The following HOMER2 variants were observed in gnomAD, a reference collection of about 807,000 sequenced individuals.
HOMER2 encodes homer protein homolog 2.
Under a neutral mutation model 47.0 loss-of-function variants are expected in HOMER2, and 27 were observed. The observed-to-expected ratio is 0.57, with a 90% confidence interval of 0.42 to 0.79. The LOEUF (loss-of-function observed/expected upper bound fraction) is 0.79. HOMER2 is among the 30% of genes least tolerant of loss of function. The pLI is 0.00. For missense variants in HOMER2, 443 were observed against 435.0 expected, an observed-to-expected ratio of 1.02 and a Z score of -0.16; for synonymous variants, 161 against 163.8, an observed-to-expected ratio of 0.98 and a Z score of 0.13.
chr15:82,934,945 G>A (rs2054109180), intron 1 of HOMER2, among the ~76,000 whole-genome samples: 1 of 152,136 alleles, frequency 6.6e-6, no homozygotes, highest in Non-Finnish European at 1.5e-5. Context: ...TACTTCAGAT[G>A]GAAAAGAAGA....
At chr15:82,890,577 T>C (rs1471540220) in intron 2 of HOMER2, among the ~76,000 whole-genome samples, 4 of 152,162 alleles carry the variant, frequency 2.6e-5, no homozygotes, top group Non-Finnish European at 5.9e-5. Flanking sequence ...ATAACTGTCA[T>C]ATTTGGCTTG....
At chr15:82,891,400 C>CTT (rs1388900098) in intron 2 of HOMER2, among the ~76,000 whole-genome samples, 4 of 152,164 alleles carry the variant, frequency 2.6e-5, no homozygotes, top group African/African-American at 9.7e-5. Flanking sequence ...GTCAAGCCAC[C>CTT]TTTATCTGCA....
chr15:82,889,409 CA>C (rs1231308622), intron 2 of HOMER2, among the ~76,000 whole-genome samples: 1 of 152,168 alleles, frequency 6.6e-6, no homozygotes, highest in Non-Finnish European at 1.5e-5. Flanking sequence ...AACATGGAAC[CA>C]GAATAGATGC....
intron 4 of HOMER2, among the ~76,000 whole-genome samples, chr15:82,860,998 G>C (rs1020307860): frequency 3.7e-5 from 2 of 54,282 alleles, no homozygotes; most frequent in African/African-American, 1.4e-4. Flanking sequence ...AAAGAGAAAG[G>C]AAAGAAAGAA....
intron 1 of HOMER2, among the ~76,000 whole-genome samples, chr15:82,964,847 A>C (rs1272169871): frequency 6.6e-6 from 1 of 152,218 alleles, no homozygotes; most frequent in Non-Finnish European, 1.5e-5. Flanking sequence ...TACAGAAAGC[A>C]GTGTTTCCAT....
exon 2 of HOMER2, chr15:82,843,490 A>G (rs2051199389): frequency 6.8e-6 from 1 of 146,312 alleles, no homozygotes; most frequent in East Asian, 2.0e-4. Context: ...AAAGACCTGC[A>G]TAAGCATGAC....
At chr15:82,876,980 G>A (rs558597501) in intron 2 of HOMER2, among the ~76,000 whole-genome samples, 7 of 152,286 alleles carry the variant, frequency 4.6e-5, no homozygotes, top group Admixed American at 6.5e-5. Context: ...ATAAGCCACT[G>A]GCTCAAGAGA....
At chr15:82,865,866 G>A (rs2051947754) in intron 3 of HOMER2, among the ~76,000 whole-genome samples, 1 of 152,220 alleles carries the variant, frequency 6.6e-6, no homozygotes, top group African/African-American at 2.4e-5. Flanking sequence ...CTAGATTTCA[G>A]AGGATGTATG....
chr15:82,860,956 TGAGA>T (rs56063630), intron 4 of HOMER2, among the ~76,000 whole-genome samples: 14 of 42,416 alleles, frequency 3.3e-4, no homozygotes, highest in African/African-American at 7.4e-4. Context: ...AGATAGAAGA[TGAGA>T]GAGAGAGAGA....
At chr15:82,943,015 G>A (rs2054298239) in intron 1 of HOMER2, among the ~76,000 whole-genome samples, 1 of 152,146 alleles carries the variant, frequency 6.6e-6, no homozygotes, top group South Asian at 2.1e-4. Flanking sequence ...TAAGGATGAG[G>A]GAATGGAAGC....
Position 82,937,464 on chromosome 15 carries a change from C to T in HOMER2, c.5+15067G>A, listed in dbSNP as rs1461039404. On this transcript the variant is annotated intron_variant, in intron 1 of 8. Transcript: ENST00000450735. ...CGTTAAGTCAGAGAGTTGGGAGGGA[C>T]ACAGATAAGCTGCCCTCACACTGCC... 2.0e-5 allele frequency among the ~76,000 whole-genome samples: 3 copies of T among 152,238 alleles called. No individual in the cohort carries two copies. The East Asian group carries it at 5.8e-4, about 29-fold the overall frequency.
intron 1 of HOMER2, among the ~76,000 whole-genome samples, chr15:82,963,669 T>C (rs2054649845): frequency 6.6e-6 from 1 of 152,182 alleles, no homozygotes; most frequent in Non-Finnish European, 1.5e-5. Context: ...AAGGCAAATT[T>C]GGGAAAGAAT....
At chr15:82,876,089 G>C (rs2052341213) in intron 2 of HOMER2, among the ~76,000 whole-genome samples, 1 of 152,176 alleles carries the variant, frequency 6.6e-6, no homozygotes, top group Admixed American at 6.5e-5. Flanking sequence ...GCTACCTGTT[G>C]GGGGACACAG....
chr15:82,940,677 G>A (rs1479545594), intron 1 of HOMER2, among the ~76,000 whole-genome samples: 1 of 152,134 alleles, frequency 6.6e-6, no homozygotes, highest in East Asian at 1.9e-4. Context: ...GAGAGGTGGA[G>A]CTTGCAGTGA....
chr15:82,920,734 TATC>T (rs1596355514), intron 1 of HOMER2, among the ~76,000 whole-genome samples: 1 of 152,196 alleles, frequency 6.6e-6, no homozygotes, highest in Admixed American at 6.5e-5. Context: ...GTCCTTAACT[TATC>T]ATATCTGCAA....
chr15:82,892,050 A>C (rs1307528634), intron 2 of HOMER2, among the ~76,000 whole-genome samples: 1 of 151,972 alleles, frequency 6.6e-6, no homozygotes, highest in African/African-American at 2.4e-5. Flanking sequence ...TTCCCATGAT[A>C]ATGTGGCAAA....
chr15:82,843,788 T>A (rs961672001), exon 2 of HOMER2: 4 of 152,106 alleles, frequency 2.6e-5, no homozygotes, highest in African/African-American at 9.7e-5. Context: ...GGAGTATAAT[T>A]GGGTCTGTCT....
At position 82,940,040 on chromosome 15, in the gene HOMER2, G is replaced by A. The variant is rs1190386496; in HGVS notation, c.5+12491C>T. Among the ~76,000 whole-genome samples the A allele has an allele frequency of 2.6e-5, 4 of 152,082 alleles. No homozygotes were observed. In the East Asian group the frequency reaches 7.7e-4, roughly 29 times the overall value. ...AATGAGAACACCTGGAGACAGGGTGGGGAACATCACACACCGAGGCCTGTC... is the reference window on the plus strand; with the variant it reads ...AATGAGAACACCTGGAGACAGGGTGAGGAACATCACACACCGAGGCCTGTC... On this transcript the variant is annotated intron_variant, in intron 1 of 8. Transcript: ENST00000450735.
intron 1 of HOMER2, among the ~76,000 whole-genome samples, chr15:82,976,417 C>T (rs2030203894): frequency 6.6e-6 from 1 of 152,040 alleles, no homozygotes; most frequent in South Asian, 2.1e-4. Context: ...CCTGCCTTAG[C>T]CTCCCAAGTA....
Sources: allele counts gnomAD v4.1 joint callset (sites outside exome capture counted in the v4.1 genomes callset), GRCh38; gene constraint gnomAD v4.1.1; transcripts MANE v1.5; gene names NCBI Gene and HGNC (gene_info 2026-07-23, HGNC 2026-07-21).